SBF2: variants seen among roughly 807,000 people sequenced by gnomAD.
SBF2 encodes myotubularin-related protein 13.
Under a neutral mutation model 225.2 loss-of-function variants are expected in SBF2, and 112 were observed. That is an observed-to-expected ratio of 0.50 (90% CI 0.43 to 0.58). The LOEUF is 0.58. Ranked by LOEUF, SBF2 falls within the 20% of genes least tolerant of loss-of-function variation. SBF2 has a pLI of 0.00. For synonymous variants in SBF2, 763 were observed against 773.3 expected, an observed-to-expected ratio of 0.99 and a Z score of 0.22; for missense variants, 1,996 against 2,206.2, an observed-to-expected ratio of 0.90 and a Z score of 1.91.
chr11:9,813,948 A>C (rs550301435), intron 29 of SBF2, among the ~76,000 whole-genome samples: 1 of 152,298 alleles, frequency 6.6e-6, no homozygotes, highest in African/African-American at 2.4e-5. Context: ...CCTTAAAAAA[A>C]AAAATTACAT....
chr11:9,860,099 C>G (rs1027047087), intron 17 of SBF2, among the ~76,000 whole-genome samples: 2 of 152,126 alleles, frequency 1.3e-5, no homozygotes, highest in East Asian at 3.8e-4. Flanking sequence ...TTTGTGAGTG[C>G]GTAAGCAGAA....
intron 2 of SBF2, among the ~76,000 whole-genome samples, chr11:10,080,853 T>TA (rs796736813): frequency 4.0e-4 from 61 of 151,504 alleles, no homozygotes; most frequent in Admixed American, 1.1e-3. Context: ...TCAACAGTAG[T>TA]AAAAAAAAGG....
intron 2 of SBF2, among the ~76,000 whole-genome samples, chr11:10,115,067 A>G (rs993294014): frequency 6.6e-6 from 1 of 152,172 alleles, no homozygotes; most frequent in Non-Finnish European, 1.5e-5. Context: ...GGAATTGTTT[A>G]TTTATGCATA....
intron 17 of SBF2, among the ~76,000 whole-genome samples, chr11:9,873,069 G>A (rs1277257089): frequency 1.3e-5 from 2 of 151,806 alleles, no homozygotes; most frequent in Non-Finnish European, 2.9e-5. Flanking sequence ...AGCTGGGCGT[G>A]GTGGCACACA....
intron 32 of SBF2, among the ~76,000 whole-genome samples, chr11:9,805,461 G>C (rs1853759278): frequency 6.6e-6 from 1 of 152,172 alleles, no homozygotes; most frequent in Non-Finnish European, 1.5e-5. Flanking sequence ...GTTCCCCCCA[G>C]TTATATTCAA....
At chr11:9,840,267 A>C (rs951471174) in intron 25 of SBF2, among the ~76,000 whole-genome samples, 7 of 151,400 alleles carry the variant, frequency 4.6e-5, no homozygotes, top group African/African-American at 1.7e-4. Context: ...AAAAAAAAAA[A>C]CAAACCCGCT....
chr11:9,935,946 A>G (rs576804632), intron 16 of SBF2, among the ~76,000 whole-genome samples: 158 of 152,310 alleles, frequency 1.0e-3, no homozygotes, highest in African/African-American at 3.7e-3. Flanking sequence ...CAAAACCAAA[A>G]TAGACAAATG....
intron 2 of SBF2, among the ~76,000 whole-genome samples, chr11:10,087,963 G>A (rs368120273): frequency 6.6e-6 from 1 of 151,912 alleles, no homozygotes; most frequent in East Asian, 1.9e-4. Context: ...TATGTGGTAG[G>A]TTCTGTATCA....
chr11:9,948,675 C>A (rs1865695629), intron 16 of SBF2, among the ~76,000 whole-genome samples: 1 of 152,132 alleles, frequency 6.6e-6, no homozygotes, highest in South Asian at 2.1e-4. Flanking sequence ...CAGAACAGAG[C>A]CAGGAAATAT....
chr11:10,237,719 A>T (rs889326697), intron 1 of SBF2, among the ~76,000 whole-genome samples: 1 of 152,176 alleles, frequency 6.6e-6, no homozygotes, highest in Admixed American at 6.5e-5. Flanking sequence ...ACACAGCCAT[A>T]ACCCCCCAAA....
intron 17 of SBF2, among the ~76,000 whole-genome samples, chr11:9,865,030 C>T (rs1442729827): frequency 6.6e-6 from 1 of 152,144 alleles, no homozygotes; most frequent in Non-Finnish European, 1.5e-5. Context: ...CCCACCTCAG[C>T]CTCCTGAGTA....
rs150332165 is a variant in SBF2, at chr11:9,906,766, G to C, written c.1861-10755C>G. ...TAGCATTGTAGTAATAAACATACCA[G>C]ACATTTTATAAACTTGCAAGGTCTT... On this transcript the variant is annotated intron_variant, in intron 16 of 39. Coordinates refer to ENST00000256190, the MANE Select transcript of SBF2 (RefSeq NM_030962.4). Among the ~76,000 whole-genome samples, 442 of 152,234 alleles carry C rather than the reference G, an allele frequency of 2.9e-3. 3 individuals are homozygous for C. The highest frequency in any genetic ancestry group is 0.01 in the African/African-American group (433 of 41,532).
chr11:10,074,981 G>A (rs1384745242), intron 2 of SBF2, among the ~76,000 whole-genome samples: 3 of 152,176 alleles, frequency 2.0e-5, no homozygotes, highest in African/African-American at 7.2e-5. Context: ...TAGGGAGAAC[G>A]TGTTAACATT....
intron 16 of SBF2, among the ~76,000 whole-genome samples, chr11:9,942,239 T>C (rs1865296426): frequency 6.6e-6 from 1 of 152,202 alleles, no homozygotes; most frequent in African/African-American, 2.4e-5. Flanking sequence ...GGCTGATTTT[T>C]GTATTTTTTG....
chr11:9,893,311 G>A (rs1051627136), intron 17 of SBF2, among the ~76,000 whole-genome samples: 3 of 152,122 alleles, frequency 2.0e-5, no homozygotes, highest in Non-Finnish European at 4.4e-5. Context: ...CCGAGAATCC[G>A]TGTGATCTAC....
chr11:9,958,874 G>T, intron 16 of SBF2: 1 of 673,774 alleles, frequency 1.5e-6, no homozygotes, highest in East Asian at 2.8e-5. Context: ...CTGGCCAACA[G>T]TCTGGGGAAT....
At chr11:10,132,711 G>T (rs1349419142) in intron 2 of SBF2, among the ~76,000 whole-genome samples, 1 of 148,692 alleles carries the variant, frequency 6.7e-6, no homozygotes, top group Non-Finnish European at 1.5e-5. Context: ...CTTCCACAGT[G>T]TGGAAGGGGA....
intron 1 of SBF2, among the ~76,000 whole-genome samples, chr11:10,272,418 A>T (rs1962567704): frequency 6.6e-6 from 1 of 152,196 alleles, no homozygotes; most frequent in African/African-American, 2.4e-5. Flanking sequence ...TTCAAACCTC[A>T]TGAGCCACAA....
rs147009778 is a variant in SBF2 at position 10,193,500 on chromosome 11, G to A, written c.141+402C>T. On this transcript the variant is annotated intron_variant, in intron 2 of 39. Coordinates refer to ENST00000256190, the MANE Select transcript of SBF2 (RefSeq NM_030962.4). ...CTCCTGAGTAGCTGGGACTACAGAC[G>A]CCCGCCACCACGCCCGGCTAATTTT... Among the ~76,000 whole-genome samples the A allele has an allele frequency of 2.3e-3, 350 of 151,748 alleles. 1 individual carries two copies. Among genetic ancestry groups the A allele is most frequent in the Admixed American group, 4.0e-3 (61 of 15,220 alleles).
Sources: gnomAD v4.1 joint callset for allele counts (sites outside exome capture counted in the v4.1 genomes callset) on GRCh38, gnomAD v4.1.1 for gene constraint, MANE v1.5 for transcripts, NCBI Gene and HGNC (gene_info 2026-07-23, HGNC 2026-07-21) for gene names.